Variants in RSPO2 observed in about 807,000 individuals in gnomAD.
RSPO2 encodes R-spondin-2.
A neutral mutation model predicts 30.9 loss-of-function variants in RSPO2; 14 were observed. The ratio of observed to expected loss-of-function variants is 0.45; its 90% CI spans 0.30 to 0.71. The LOEUF is 0.71. RSPO2 is among the 30% of genes least tolerant of loss of function. RSPO2 has a pLI of 0.08. For synonymous variants in RSPO2, 107 were observed against 96.4 expected (o/e 1.11, Z -0.64); for missense variants, 264 against 301.9 (o/e 0.87, Z 0.93).
intron 3 of RSPO2, among the ~76,000 whole-genome samples, chr8:107,978,812 A>G (rs1202463114): frequency 1.3e-5 from 2 of 152,232 alleles, no homozygotes; most frequent in African/African-American, 4.8e-5. Flanking sequence ...ACAATCTACA[A>G]TGAACTCAAA....
chr8:108,036,473 A>T (rs1160871744), intron 2 of RSPO2, among the ~76,000 whole-genome samples: 2 of 152,238 alleles, frequency 1.3e-5, no homozygotes, highest in African/African-American at 2.4e-5. Flanking sequence ...CTGAACTGTC[A>T]TTCAGGCAAG....
chr8:107,989,162 C>A lies in RSPO2; in HGVS notation c.177G>T (p.Leu59Phe), dbSNP rs779767746. The A allele has an allele frequency of 3.1e-6, 5 of 1,612,198 alleles. No homozygotes were observed. Among genetic ancestry groups the A allele is most frequent in the South Asian group, 1.1e-5 (1 of 90,700 alleles). The change falls in exon 3 of 6, where the codon TTG becomes TTT. Residue 59 changes from leucine (L) to phenylalanine (F), a missense_variant. Coordinates refer to ENST00000276659, the MANE Select transcript of RSPO2 (RefSeq NM_178565.5). ...DNGCSRCQQK[L>F]FFFLRREGMR... ...TCCCTTCTCTTCGAAGGAAGAAGAA[C>A]AACTTCTGTTGACATCGGCTACACC...
At chr8:107,938,565 T>C (rs1175857299) in intron 5 of RSPO2, among the ~76,000 whole-genome samples, 1 of 152,098 alleles carries the variant, frequency 6.6e-6, no homozygotes, top group Non-Finnish European at 1.5e-5. Context: ...GCTCACCTGG[T>C]GGTGGCTATA....
At chr8:108,017,269 G>C (rs189461865) in intron 2 of RSPO2, among the ~76,000 whole-genome samples, 1 of 152,004 alleles carries the variant, frequency 6.6e-6, no homozygotes, top group African/African-American at 2.4e-5. Flanking sequence ...TGCCTGCCTC[G>C]GCCTCTCAAA....
rs1214561465 is a variant in RSPO2 at position 107,960,691 on chromosome 8, T to G, written c.410A>C (p.Glu137Ala). The part of the protein sequence containing the change: ...ECPDGFAPLE[E>A]TMECVEGCEV... ...CTACTCACCCACACATTCCATGGTT[T>G]CTTCTAATGGTGCAAAACCATCTGG... Residue 137 changes from glutamate to alanine, a missense_variant, in exon 4 of 6, where the codon GAA becomes GCA. Glu to Ala is a moderately radical substitution (Grantham distance 107, BLOSUM62 -1). Transcript: ENST00000276659. 6.2e-7 allele frequency: 1 copy of G among 1,611,408 alleles called. No individual in the cohort carries two copies. The highest frequency in any genetic ancestry group is 8.5e-7 in the Non-Finnish European group (1 of 1,179,372).
intron 3 of RSPO2, among the ~76,000 whole-genome samples, chr8:107,962,700 A>C (rs1483617261): frequency 1.3e-5 from 2 of 152,174 alleles, no homozygotes; most frequent in Non-Finnish European, 2.9e-5. Context: ...ATTTTTTTAA[A>C]AAACAAGCAG....
chr8:107,987,460 C>T lies in RSPO2; in HGVS notation c.283+1596G>A, dbSNP rs1415673702. Among the ~76,000 whole-genome samples, 3 of 152,310 alleles carry T rather than the reference C, an allele frequency of 2.0e-5. No homozygotes were observed. In the East Asian group the frequency reaches 5.8e-4, roughly 29 times the overall value. On this transcript the variant is annotated intron_variant, in intron 3 of 5. Coordinates refer to ENST00000276659, the MANE Select transcript of RSPO2 (RefSeq NM_178565.5). ...TCCTTCCTCAATTCCAACCACACCT[C>T]CCACTAGGCACATGCTCTTCAATGG... is the stretch of plus-strand genomic sequence containing the variant.
At position 107,984,249 on chromosome 8, in the gene RSPO2, T is replaced by A. The variant is rs572202427; in HGVS notation, c.283+4807A>T. ...AACCAAATGGCTACCTGGAATAATT[T>A]CTTCCAAGCAACAGTTATTTTTCTT... is the stretch of plus-strand genomic sequence containing the variant. On this transcript the variant is annotated intron_variant, in intron 3 of 5. Transcript: ENST00000276659. Among the ~76,000 whole-genome samples the A allele has an allele frequency of 2.6e-5, 4 of 152,374 alleles. No individual in the cohort carries two copies. The East Asian group carries it at 7.7e-4, about 29-fold the overall frequency.
At chr8:107,978,488 T>G (rs1156291545) in intron 3 of RSPO2, among the ~76,000 whole-genome samples, 4 of 152,304 alleles carry the variant, frequency 2.6e-5, no homozygotes, top group East Asian at 3.9e-4. Context: ...TGCAGAAAGC[T>G]GAAACTGGAT....
intron 5 of RSPO2, among the ~76,000 whole-genome samples, chr8:107,939,533 C>G (rs1460661568): frequency 1.5e-5 from 2 of 137,744 alleles, no homozygotes; most frequent in African/African-American, 5.7e-5. Flanking sequence ...GCTTTTGACT[C>G]TGGTTCTGCT....
Position 107,899,791 on chromosome 8 carries a change from A to AAAC in RSPO2, c.*1281_*1283dup, listed in dbSNP as rs1379697470. ...CCCTAAAAGGACAATGATGTGTTTG[A>AAAC]AACAACTGCTCTGAAAGTCACCTGG... On this transcript the variant is annotated 3_prime_UTR_variant, in exon 6 of 6. Coordinates refer to ENST00000276659, the MANE Select transcript of RSPO2 (RefSeq NM_178565.5). The AAAC allele has an allele frequency of 2.0e-5, 3 of 152,222 alleles. No homozygotes were observed. The highest frequency in any genetic ancestry group is 7.2e-5 in the African/African-American group (3 of 41,454). The allele number at this position is 152,222 out of a possible 1,614,324, so 9.4% of individuals were successfully genotyped here.
At chr8:108,029,912 A>G (rs996664885) in intron 2 of RSPO2, among the ~76,000 whole-genome samples, 1 of 152,170 alleles carries the variant, frequency 6.6e-6, no homozygotes, top group Non-Finnish European at 1.5e-5. Flanking sequence ...AAAGATAAAG[A>G]TAGTCCTTGT....
intron 2 of RSPO2, among the ~76,000 whole-genome samples, chr8:108,076,944 T>A (rs1813032353): frequency 2.6e-5 from 4 of 152,084 alleles, no homozygotes; most frequent in Non-Finnish European, 4.4e-5. Context: ...GTAAAACCAG[T>A]GCAGTGTCAC....
chr8:108,068,298 A>G (rs1219966641), intron 2 of RSPO2, among the ~76,000 whole-genome samples: 1 of 152,224 alleles, frequency 6.6e-6, no homozygotes, highest in African/African-American at 2.4e-5. Context: ...CCATGTCTAA[A>G]GCATTCCCAC....
chr8:108,073,611 T>A (rs781560082), intron 2 of RSPO2, among the ~76,000 whole-genome samples: 1 of 152,218 alleles, frequency 6.6e-6, no homozygotes, highest in Non-Finnish European at 1.5e-5. Flanking sequence ...TTTCTAAAAC[T>A]ATATATTAAC....
chr8:107,910,998 T>C (rs1811804031), intron 5 of RSPO2, among the ~76,000 whole-genome samples: 1 of 152,210 alleles, frequency 6.6e-6, no homozygotes, highest in African/African-American at 2.4e-5. Context: ...TCATGTCAAC[T>C]GAGAGTTGGA....
intron 2 of RSPO2, among the ~76,000 whole-genome samples, chr8:107,994,365 T>C (rs1327576698): frequency 6.6e-6 from 1 of 152,124 alleles, no homozygotes; most frequent in Non-Finnish European, 1.5e-5. Flanking sequence ...TAAATTATAT[T>C]ACTCACCAGT....
At chr8:107,955,503 T>C (rs1372185969) in intron 5 of RSPO2, among the ~76,000 whole-genome samples, 2 of 152,160 alleles carry the variant, frequency 1.3e-5, no homozygotes, top group Non-Finnish European at 2.9e-5. Flanking sequence ...AGTTTGGGAA[T>C]GAAGACTGAG....
chr8:108,022,045 A>G (rs1299293042), intron 2 of RSPO2, among the ~76,000 whole-genome samples: 1 of 152,064 alleles, frequency 6.6e-6, no homozygotes, highest in Admixed American at 6.6e-5. Flanking sequence ...ACCATTAACA[A>G]AACTCCCACC....
Sources: gnomAD v4.1 joint callset for allele counts (sites outside exome capture counted in the v4.1 genomes callset) on GRCh38, gnomAD v4.1.1 for gene constraint, MANE v1.5 for transcripts, NCBI Gene and HGNC (gene_info 2026-07-23, HGNC 2026-07-21) for gene names.